Variants in GDE1 observed in about 807,000 individuals in gnomAD.
The protein encoded by GDE1 is glycerophosphodiester phosphodiesterase 1, also known as RGS16-interacting membrane protein.
GDE1 carries 24 observed loss-of-function variants against 32.2 expected under a neutral mutation model. That is an observed-to-expected ratio of 0.75 (90% confidence interval 0.54 to 1.05). The LOEUF (loss-of-function observed/expected upper bound fraction) is 1.05, where lower values mean the gene tolerates loss of function less well. GDE1 is among the 50% of genes least tolerant of loss of function. The pLI is 0.00. For missense variants in GDE1, 380 were observed against 415.0 expected (o/e 0.92, Z 0.73); for synonymous variants, 159 against 158.6 (o/e 1.00, Z -0.02).
chr16:19,507,051 ATCATTTGAGCCTGGAAGG>A (rs1425342253), intron 4 of GDE1, among the ~76,000 whole-genome samples: 1 of 151,704 alleles, frequency 6.6e-6, no homozygotes, highest in African/African-American at 2.4e-5. Context: ...AGGCAGGAGG[ATCATTTGAGCCTGGAAGG>A]TCAAGAGTGC....
At chr16:19,511,429 T>C (rs1969317593) in intron 2 of GDE1, among the ~76,000 whole-genome samples, 1 of 152,192 alleles carries the variant, frequency 6.6e-6, no homozygotes, top group Non-Finnish European at 1.5e-5. Flanking sequence ...AACCAAATTA[T>C]AGATATTCTT....
rs1969190894 is a variant in GDE1 at position 19,502,578 on chromosome 16, T to G, written c.*892A>C. 6.6e-6 allele frequency: 1 copy of G among 152,056 alleles called. No individual in the cohort carries two copies. The highest frequency in any genetic ancestry group is 2.1e-4 in the South Asian group (1 of 4,826). 9.4% of individuals were successfully genotyped at this position (152,056 alleles called of 1,614,324 possible). A position where few individuals can be genotyped will look rare whatever the true frequency, so the allele number is the denominator to read the frequency against. ...TTTTAGAGATGGGGTCTTGCTATAT[T>G]GCCCAGTCTGGCCTCAAGTAATCCT... On this transcript the variant is annotated 3_prime_UTR_variant, in exon 6 of 6. Coordinates refer to ENST00000353258, the MANE Select transcript of GDE1 (RefSeq NM_016641.4).
chr16:19,507,239 G>T (rs1270045760), intron 4 of GDE1, among the ~76,000 whole-genome samples: 3 of 151,984 alleles, frequency 2.0e-5, no homozygotes, highest in Non-Finnish European at 4.4e-5. Context: ...AATAAGATTT[G>T]CTTCAAAATA....
chr16:19,505,818 G>C (rs1969239445), intron 4 of GDE1, among the ~76,000 whole-genome samples: 1 of 152,148 alleles, frequency 6.6e-6, no homozygotes, highest in African/African-American at 2.4e-5. Context: ...TGCTCTGTTG[G>C]TCACTGGTAA....
rs968929383 is a variant in GDE1 at position 19,511,143 on chromosome 16, C to A, written c.438-199G>T. Among the ~76,000 whole-genome samples the A allele has an allele frequency of 6.7e-5, 10 of 149,150 alleles. No homozygotes were observed. The South Asian group carries it at 8.4e-4, about 13-fold the overall frequency. ...TTTGAGACGGAGTCTTGCTCTGTTG[C>A]CCAGCCTGGAGTGCAGTGGTGCAAT... On this transcript the variant is annotated intron_variant, in intron 2 of 5. Coordinates refer to ENST00000353258, the MANE Select transcript of GDE1 (RefSeq NM_016641.4).
Position 19,521,931 on chromosome 16 carries a change from C to G in GDE1, c.34G>C (p.Gly12Arg). ...ACTAGCAGCAGGAAGGAGAAAGGGC[C>G]CAGGAGGCCGCCCTGGTCCTCCCAC... ...WLWEDQGGLL[G>R]PFSFLLLVLL... Residue 12 changes from glycine (G) to arginine (R), a missense_variant, in exon 1 of 6, where the codon GGC (glycine) becomes CGC (arginine). By Grantham distance (125) the Gly-to-Arg change is moderately radical. Coordinates refer to ENST00000353258, the MANE Select transcript of GDE1 (RefSeq NM_016641.4). The G allele has an allele frequency of 6.3e-7, 1 of 1,580,670 alleles. No homozygotes were observed. Among genetic ancestry groups the G allele is most frequent in the Non-Finnish European group, 8.6e-7 (1 of 1,163,366 alleles).
rs750577838 is a variant in GDE1 at position 19,521,914 on chromosome 16, C to G, written c.51G>C (p.Leu17=). 4.8e-5 allele frequency: 76 copies of G among 1,593,208 alleles called. No individual in the cohort carries two copies. Among genetic ancestry groups the G allele is most frequent in the Non-Finnish European group, 6.4e-5 (75 of 1,170,554 alleles). The change falls in exon 1 of 6, where the codon CTG becomes CTC. Residue 17 remains leucine (L), a synonymous_variant. Coordinates refer to ENST00000353258, the MANE Select transcript of GDE1 (RefSeq NM_016641.4). ...QGGLLGPFSF[L]LLVLLLVTRS... ...GCGTCACCAGCAGCAGCACTAGCAG[C>G]AGGAAGGAGAAAGGGCCCAGGAGGC...
intron 2 of GDE1, among the ~76,000 whole-genome samples, chr16:19,511,164 G>A (rs1969314890): frequency 6.7e-6 from 1 of 149,906 alleles, no homozygotes; most frequent in Non-Finnish European, 1.5e-5. Context: ...GTGCAGTGGT[G>A]CAATCTCAGC....
rs200612717 is a variant in GDE1 at position 19,510,818 on chromosome 16, A to G, written c.543+21T>C. Reference sequence around the variant, plus strand: ...ATAAGATGTCTTTTTAACAAAGTGAAGTCCACAATTTAAACTGTACCTTGT... The same window carrying G: ...ATAAGATGTCTTTTTAACAAAGTGAGGTCCACAATTTAAACTGTACCTTGT... On this transcript the variant is annotated intron_variant, in intron 3 of 5. Transcript: ENST00000353258. 2.0e-4 allele frequency: 227 copies of G among 1,114,090 alleles called. 1 individual carries two copies. The African/African-American group carries it at 3.3e-3, about 16-fold the overall frequency. 69.0% of individuals were successfully genotyped at this position (1,114,090 alleles called of 1,614,324 possible).
At chr16:19,514,552 A>G (rs1450661111) in intron 2 of GDE1, among the ~76,000 whole-genome samples, 1 of 152,192 alleles carries the variant, frequency 6.6e-6, no homozygotes, top group Non-Finnish European at 1.5e-5. Context: ...ATGCAGGAGG[A>G]ATTCTTAGGA....
rs1243429779 is a variant in GDE1 at position 19,503,538 on chromosome 16, A to T, written c.928T>A (p.Tyr310Asn). The T allele has an allele frequency of 6.2e-7, 1 of 1,613,192 alleles. No homozygotes were observed. The highest frequency in any genetic ancestry group is 8.5e-7 in the Non-Finnish European group (1 of 1,179,250). ...TVNTFDEKSY[Y>N]ESHLGSSYIT... is the part of the protein sequence containing the mutation. ...TAGCTGGAACCAAGATGGGATTCGT[A>T]GTAACTCTTTTCATCAAAGGTATTA... is the stretch of plus-strand genomic sequence containing the variant. The change falls in exon 6 of 6, where the codon TAC becomes AAC. Residue 310 changes from tyrosine (Y) to asparagine (N), a missense_variant. Physicochemically the swap from Tyr to Asn is moderately radical, Grantham distance 143. Coordinates refer to ENST00000353258, the MANE Select transcript of GDE1 (RefSeq NM_016641.4).
intron 4 of GDE1, 91 bp from the exon 5 acceptor site, chr16:19,505,183 AGGTG>A: frequency 1.1e-6 from 1 of 888,966 alleles, no homozygotes; most frequent in South Asian, 1.4e-5. Flanking sequence ...CAATCAGATG[AGGTG>A]GTCATGGTTG....
In GDE1 at chr16:19,507,839, C is replaced by A. The variant is rs1969268759; in HGVS notation, c.544-60G>T. 11 of 773,744 alleles carry A rather than the reference C, an allele frequency of 1.4e-5. No individual in the cohort carries two copies. In the Middle Eastern group the frequency reaches 8.6e-4, roughly 61 times the overall value. 47.9% of individuals were successfully genotyped at this position (773,744 alleles called of 1,614,324 possible). ...ATTAAAATGTGATAGATAGCCCCAG[C>A]CAATAACTATCACATATTAAGTACA... On this transcript the variant is annotated intron_variant, in intron 3 of 5. Coordinates refer to ENST00000353258, the MANE Select transcript of GDE1 (RefSeq NM_016641.4).
intron 5 of GDE1, 77 bp from the exon 6 acceptor site, chr16:19,503,694 G>A: frequency 8.4e-7 from 1 of 1,188,866 alleles, no homozygotes. Flanking sequence ...ACTAAGTATG[G>A]TGTTCACTGC....
chr16:19,504,950 C>T lies in GDE1; in HGVS notation c.779G>A (p.Ser260Asn). The T allele has an allele frequency of 7.4e-6, 12 of 1,613,582 alleles. No individual in the cohort carries two copies. Among genetic ancestry groups the T allele is most frequent in the Non-Finnish European group, 9.3e-6 (11 of 1,179,510 alleles). ...FVMMDILLDWSMHNILWYLCG... is the reference protein window; with the variant it reads ...FVMMDILLDWNMHNILWYLCG... ...CAGGTACCACAAGATATTATGCATG[C>T]TCCAATCGAGCAAAATGTCCATCAT... is the stretch of plus-strand genomic sequence containing the variant. Residue 260 changes from serine to asparagine, a missense_variant, in exon 5 of 6, where the codon AGC becomes AAC. Transcript: ENST00000353258.
At chr16:19,514,633 A>T (rs1969358004) in intron 2 of GDE1, among the ~76,000 whole-genome samples, 1 of 152,230 alleles carries the variant, frequency 6.6e-6, no homozygotes, top group African/African-American at 2.4e-5. Context: ...ATGTTCTAAG[A>T]CATAATTTTC....
rs1969196467 is a variant in GDE1 at position 19,502,902 on chromosome 16, T to G, written c.*568A>C. ...ATTGGCTTCAAGACCTCCCTACCATTTTGGTTGCTGTACACTGAAGCCTCA... is the reference window on the plus strand; with the variant it reads ...ATTGGCTTCAAGACCTCCCTACCATGTTGGTTGCTGTACACTGAAGCCTCA... On this transcript the variant is annotated 3_prime_UTR_variant, in exon 6 of 6. Transcript: ENST00000353258. The G allele has an allele frequency of 4.6e-5, 7 of 152,292 alleles. No homozygotes were observed. Among genetic ancestry groups the G allele is most frequent in the Admixed American group, 4.6e-4 (7 of 15,298 alleles). 9.4% of individuals were successfully genotyped at this position (152,292 alleles called of 1,614,324 possible).
chr16:19,515,515 A>T (rs1455089258), intron 2 of GDE1, among the ~76,000 whole-genome samples: 1 of 152,166 alleles, frequency 6.6e-6, no homozygotes, highest in Non-Finnish European at 1.5e-5. Context: ...TGATGACCCT[A>T]AACATTTTTG....
intron 1 of GDE1, among the ~76,000 whole-genome samples, chr16:19,521,049 AG>A (rs1446634847): frequency 6.6e-6 from 1 of 152,190 alleles, no homozygotes; most frequent in Non-Finnish European, 1.5e-5. Flanking sequence ...TGTCTTGTGA[AG>A]GGTGATCTAT....
Sources: allele counts gnomAD v4.1 joint callset (sites outside exome capture counted in the v4.1 genomes callset), GRCh38; gene constraint gnomAD v4.1.1; transcripts MANE v1.5; gene names NCBI Gene and HGNC (gene_info 2026-07-23, HGNC 2026-07-21).